Variants in SORCS2 observed in about 807,000 individuals in gnomAD.
SORCS2 encodes sortilin related VPS10 domain containing receptor 2.
A neutral mutation model predicts 141.6 loss-of-function variants in SORCS2; 100 were observed. The ratio of observed to expected loss-of-function variants is 0.71; its 90% confidence interval spans 0.60 to 0.83. The LOEUF (loss-of-function observed/expected upper bound fraction) is 0.83, where lower values mean the gene tolerates loss of function less well. Among genes scored for constraint, SORCS2 ranks in the 40% least tolerant of loss-of-function variants. The pLI is 0.00. For missense variants in SORCS2, 1,646 were observed against 1,560.2 expected (o/e 1.05, Z -0.93); for synonymous variants, 789 against 676.9 (o/e 1.17, Z -2.57).
At chr4:7,462,352 G>A (rs1403876485) in intron 2 of SORCS2, among the ~76,000 whole-genome samples, 1 of 152,200 alleles carries the variant, frequency 6.6e-6, no homozygotes, top group Non-Finnish European at 1.5e-5. Context: ...ATGTAATGGG[G>A]CAAAGGGCAG....
chr4:7,451,632 C>T (rs1342607468), intron 2 of SORCS2, among the ~76,000 whole-genome samples: 1 of 152,266 alleles, frequency 6.6e-6, no homozygotes, highest in South Asian at 2.1e-4. Flanking sequence ...GGCATGCAGT[C>T]TGCCCATGGG....
intron 3 of SORCS2, among the ~76,000 whole-genome samples, chr4:7,635,486 A>G (rs550118188): frequency 1.3e-5 from 2 of 152,320 alleles, no homozygotes; most frequent in African/African-American, 4.8e-5. Flanking sequence ...ATTTCTGGCC[A>G]CTTCCCATTG....
chr4:7,465,175 C>G (rs7666513), intron 2 of SORCS2, among the ~76,000 whole-genome samples: 1 of 152,178 alleles, frequency 6.6e-6, no homozygotes, highest in African/African-American at 2.4e-5. Flanking sequence ...GGGATGGGCG[C>G]GGACCAGGCA....
intron 3 of SORCS2, among the ~76,000 whole-genome samples, chr4:7,534,354 T>A (rs1711932772): frequency 6.6e-6 from 1 of 152,096 alleles, no homozygotes; most frequent in Non-Finnish European, 1.5e-5. Flanking sequence ...GAGCCACAGG[T>A]GTCTCACCTG....
At chr4:7,277,734 C>T (rs984137750) in intron 1 of SORCS2, among the ~76,000 whole-genome samples, 1 of 152,132 alleles carries the variant, frequency 6.6e-6, no homozygotes, top group African/African-American at 2.4e-5. Flanking sequence ...TCTGGAGGGC[C>T]CATCCTGGGA....
chr4:7,292,086 C>T (rs1468049781), intron 1 of SORCS2, among the ~76,000 whole-genome samples: 6 of 152,222 alleles, frequency 3.9e-5, no homozygotes, highest in African/African-American at 1.4e-4. Context: ...CTCACAGAAA[C>T]TGAGCTCGGC....
intron 18 of SORCS2, among the ~76,000 whole-genome samples, chr4:7,719,130 G>C (rs1202402216): frequency 6.6e-6 from 1 of 152,228 alleles, no homozygotes; most frequent in Admixed American, 6.5e-5. Context: ...TGAACAGTAC[G>C]GGAGATGCAG....
chr4:7,368,730 C>G (rs1490400320), intron 1 of SORCS2, among the ~76,000 whole-genome samples: 1 of 152,152 alleles, frequency 6.6e-6, no homozygotes, highest in Non-Finnish European at 1.5e-5. Context: ...ATCATGAAAA[C>G]GAATGCATAA....
At chr4:7,566,321 G>A (rs1449701415) in intron 3 of SORCS2, among the ~76,000 whole-genome samples, 1 of 151,764 alleles carries the variant, frequency 6.6e-6, no homozygotes, top group Non-Finnish European at 1.5e-5. Context: ...GGTGATAATG[G>A]TGATGGTGAT....
chr4:7,243,792 A>C (rs1408257601), intron 1 of SORCS2, among the ~76,000 whole-genome samples: 1 of 152,240 alleles, frequency 6.6e-6, no homozygotes, highest in African/African-American at 2.4e-5. Context: ...CCAGGCAAGC[A>C]GGTAGCTTCC....
At chr4:7,683,532 C>G (rs1006218015) in intron 10 of SORCS2, among the ~76,000 whole-genome samples, 6 of 152,170 alleles carry the variant, frequency 3.9e-5, no homozygotes, top group African/African-American at 7.2e-5. Flanking sequence ...ATGGTGATAC[C>G]AGAAGTACAA....
chr4:7,450,415 C>G (rs1303387682), intron 2 of SORCS2, among the ~76,000 whole-genome samples: 5 of 152,242 alleles, frequency 3.3e-5, no homozygotes, highest in Non-Finnish European at 1.5e-5. Context: ...AAGTTGTCAA[C>G]CATCACGGTT....
chr4:7,683,039 C>A (rs1158296692), intron 10 of SORCS2, 150 bp downstream of exon 10: 3 of 1,010,528 alleles, frequency 3.0e-6, no homozygotes, highest in East Asian at 2.7e-5. Context: ...TAGAGAGGGT[C>A]AAATGAAACT....
At chr4:7,500,216 C>CCGTG (rs898759240) in intron 2 of SORCS2, among the ~76,000 whole-genome samples, 4 of 152,150 alleles carry the variant, frequency 2.6e-5, no homozygotes, top group African/African-American at 9.6e-5. Context: ...CACGAGCTGC[C>CCGTG]CAGCCTGCCC....
intron 1 of SORCS2, 43 bp from the exon 2 acceptor site, chr4:7,396,245 G>A (rs371261805): frequency 1.1e-5 from 17 of 1,594,354 alleles, no homozygotes; most frequent in Non-Finnish European, 1.4e-5. Flanking sequence ...GAGAACCTTG[G>A]CACCCACTGA....
At chr4:7,657,248 G>A (rs889388069) in intron 5 of SORCS2, among the ~76,000 whole-genome samples, 2 of 152,266 alleles carry the variant, frequency 1.3e-5, no homozygotes, top group East Asian at 1.9e-4. Flanking sequence ...TTTATAGGGT[G>A]AGTGACTCAG....
At chr4:7,446,260 G>A (rs531861170) in intron 2 of SORCS2, among the ~76,000 whole-genome samples, 4 of 152,282 alleles carry the variant, frequency 2.6e-5, no homozygotes, top group African/African-American at 9.6e-5. Flanking sequence ...CGCACAGTGA[G>A]TTGGAGGGAC....
At chr4:7,381,933 C>G in intron 1 of SORCS2, 1 of 986,350 alleles carries the variant, frequency 1.0e-6, no homozygotes, top group Non-Finnish European at 1.2e-6. Flanking sequence ...AGGCACCAAG[C>G]TCTCCATTCC....
At chr4:7,683,144 A>G (rs1056561546) in intron 10 of SORCS2, among the ~76,000 whole-genome samples, 5 of 152,296 alleles carry the variant, frequency 3.3e-5, no homozygotes, top group African/African-American at 9.6e-5. Flanking sequence ...CAAAACAACA[A>G]CATTTACTCC....
Sources: allele counts gnomAD v4.1 joint callset (sites outside exome capture counted in the v4.1 genomes callset), GRCh38; gene constraint gnomAD v4.1.1; transcripts MANE v1.5; gene names NCBI Gene and HGNC (gene_info 2026-07-23, HGNC 2026-07-21).